Variants in AEBP2 observed in about 807,000 individuals in gnomAD.
AEBP2 encodes AE binding protein 2, also known as zinc finger protein AEBP2.
In AEBP2, 10 loss-of-function variants were observed where a neutral mutation model predicts 50.8. That is an observed-to-expected ratio of 0.20 (90% CI 0.12 to 0.33). The LOEUF (loss-of-function observed/expected upper bound fraction) is 0.33. AEBP2 is among the 10% of genes least tolerant of loss of function. AEBP2 has a pLI of 1.00. For missense variants in AEBP2, 570 were observed against 688.0 expected (o/e 0.83, Z 1.92); for synonymous variants, 296 against 261.3 (o/e 1.13, Z -1.28).
chr12:19,412,600 A>G (rs1374128880), intron 1 of AEBP2, among the ~76,000 whole-genome samples: 1 of 151,714 alleles, frequency 6.6e-6, no homozygotes, highest in Admixed American at 6.6e-5. Flanking sequence ...TATTATTATT[A>G]TTATTTTTAA....
intron 1 of AEBP2, among the ~76,000 whole-genome samples, chr12:19,434,327 C>G (rs892114473): frequency 6.6e-6 from 1 of 152,034 alleles, no homozygotes; most frequent in Non-Finnish European, 1.5e-5. Context: ...GCATGTGCCA[C>G]CATGCCTGGC....
intron 1 of AEBP2, among the ~76,000 whole-genome samples, chr12:19,441,202 A>T (rs891682518): frequency 2.6e-5 from 4 of 152,190 alleles, no homozygotes; most frequent in African/African-American, 9.6e-5. Flanking sequence ...GAGGTCTCGG[A>T]AGGAATGAGT....
intron 1 of AEBP2, among the ~76,000 whole-genome samples, chr12:19,444,957 C>T (rs935531157): frequency 3.3e-5 from 5 of 152,008 alleles, no homozygotes; most frequent in South Asian, 2.1e-4. Flanking sequence ...TGCAGTGGCG[C>T]GATCTCAGCT....
intron 3 of AEBP2, among the ~76,000 whole-genome samples, chr12:19,484,332 T>G (rs1565725680): frequency 6.8e-6 from 1 of 147,482 alleles, no homozygotes; most frequent in Non-Finnish European, 1.5e-5. Flanking sequence ...CTTGGACTTC[T>G]GGTGATCCGC....
At chr12:19,416,409 T>A (rs1281667840) in intron 1 of AEBP2, among the ~76,000 whole-genome samples, 1 of 125,830 alleles carries the variant, frequency 7.9e-6, no homozygotes, top group East Asian at 2.1e-4. Flanking sequence ...TCTTTTCTTT[T>A]TTTTTCTTTT....
chr12:19,457,183 C>A, intron 1 of AEBP2: 1 of 1,597,806 alleles, frequency 6.3e-7, no homozygotes, highest in South Asian at 1.1e-5. Context: ...TTTGTTAACA[C>A]CGACAATTAG....
Position 19,439,895 on chromosome 12 carries a change from G to A in AEBP2, c.196G>A (p.Gly66Ser), listed in dbSNP as rs2153365905. 1 of 1,484,576 alleles carries A rather than the reference G, an allele frequency of 6.7e-7. No individual in the cohort carries two copies. The highest frequency in any genetic ancestry group is 1.3e-5 in the South Asian group (1 of 76,736). The allele number at this position is 1,484,576 out of a possible 1,614,324, so 92.0% of individuals were successfully genotyped here. A position where few individuals can be genotyped will look rare whatever the true frequency, so the allele number is the denominator to read the frequency against. The change falls in exon 1 of 8, where the codon GGC (glycine) becomes AGC (serine). Residue 66 changes from glycine (G) to serine (S), a missense_variant. Coordinates refer to ENST00000266508, the MANE Select transcript of AEBP2 (RefSeq NM_153207.5). ...ALLLNGGSGG[G>S]GGGGGGGVGG... ...GCTGCTGAACGGCGGCAGCGGTGGG[G>A]GCGGCGGAGGCGGCGGCGGAGGAGT...
chr12:19,411,944 G>C (rs1045352301), intron 1 of AEBP2, among the ~76,000 whole-genome samples: 1 of 152,220 alleles, frequency 6.6e-6, no homozygotes, highest in African/African-American at 2.4e-5. Flanking sequence ...AATTGAAAAG[G>C]TATGTCTGAC....
At chr12:19,417,993 C>T (rs892541239) in intron 1 of AEBP2, among the ~76,000 whole-genome samples, 5 of 152,146 alleles carry the variant, frequency 3.3e-5, no homozygotes, top group South Asian at 2.1e-4. Context: ...TGAGGCACTG[C>T]GCCCGGCCTA....
At chr12:19,517,626 C>T (rs1949339623) in intron 7 of AEBP2, among the ~76,000 whole-genome samples, 1 of 152,222 alleles carries the variant, frequency 6.6e-6, no homozygotes, top group South Asian at 2.1e-4. Flanking sequence ...CCCACTCCCA[C>T]TGTGCATGCC....
chr12:19,407,081 T>C lies in AEBP2; in HGVS notation c.-17+2865T>C, dbSNP rs571752884. Among the ~76,000 whole-genome samples, 583 of 152,230 alleles carry C rather than the reference T, an allele frequency of 3.8e-3. 4 individuals carry two copies. Among genetic ancestry groups the C allele is most frequent in the African/African-American group, 0.013 (552 of 41,544 alleles). ...ACTCAGGAGGCTGAGACAGGAAGAT[T>C]ACTCAAGCCCAATAATTTGAGAACA... is the stretch of plus-strand genomic sequence containing the variant. On this transcript the variant is annotated intron_variant, in intron 1 of 3. Transcript: ENST00000538425.
chr12:19,450,963 C>T (rs1948157830), intron 1 of AEBP2, among the ~76,000 whole-genome samples: 1 of 143,430 alleles, frequency 7.0e-6, no homozygotes, highest in Non-Finnish European at 1.5e-5. Flanking sequence ...CAAGTTTCTC[C>T]TTTGAATATA....
At chr12:19,438,505 GA>G (rs899509802), upstream of AEBP2, among the ~76,000 whole-genome samples, 5 of 152,120 alleles carry the variant, frequency 3.3e-5, no homozygotes, top group African/African-American at 1.2e-4. Flanking sequence ...ATGTATATTA[GA>G]AAAAAGTCCA....
intron 3 of AEBP2, 103 bp from the exon 4 acceptor site, chr12:19,493,697 T>C (rs1343224334): frequency 9.2e-7 from 1 of 1,091,998 alleles, no homozygotes; most frequent in Non-Finnish European, 1.3e-6. Flanking sequence ...AGTTCTATTG[T>C]ACTACTTATT....
At chr12:19,458,733 TA>T (rs1238878978) in intron 1 of AEBP2, among the ~76,000 whole-genome samples, 1 of 152,014 alleles carries the variant, frequency 6.6e-6, no homozygotes, top group Non-Finnish European at 1.5e-5. Flanking sequence ...TGTGTCCAGT[TA>T]AAAAAAATCG....
chr12:19,471,680 AT>A (rs1391773659), intron 2 of AEBP2, among the ~76,000 whole-genome samples: 8 of 151,684 alleles, frequency 5.3e-5, no homozygotes, highest in African/African-American at 1.9e-4. Context: ...TGCATATGCC[AT>A]TATGCCTAGC....
chr12:19,488,885 G>A (rs1422731165), intron 3 of AEBP2, among the ~76,000 whole-genome samples: 1 of 152,064 alleles, frequency 6.6e-6, no homozygotes, highest in Non-Finnish European at 1.5e-5. Context: ...CGCCTCCCAG[G>A]TTCAAGCTAT....
chr12:19,501,313 A>G (rs1949070557), intron 5 of AEBP2, among the ~76,000 whole-genome samples: 1 of 150,848 alleles, frequency 6.6e-6, no homozygotes, highest in South Asian at 2.1e-4. Context: ...CCTAGGCAGC[A>G]AGAGCGAAAC....
intron 5 of AEBP2, chr12:19,508,918 G>T: frequency 5.5e-6 from 2 of 360,664 alleles, no homozygotes; most frequent in South Asian, 6.8e-5. Flanking sequence ...TCCAGCATTT[G>T]ACATACTGTC....
Sources: gnomAD v4.1 joint callset for allele counts (sites outside exome capture counted in the v4.1 genomes callset) on GRCh38, gnomAD v4.1.1 for gene constraint, MANE v1.5 for transcripts, NCBI Gene and HGNC (gene_info 2026-07-23, HGNC 2026-07-21) for gene names.